R3HDM2: variants seen among roughly 807,000 people sequenced by gnomAD.
R3HDM2 encodes R3H domain-containing protein 2.
A neutral mutation model predicts 124.5 loss-of-function variants in R3HDM2; 38 were observed. The observed-to-expected ratio is 0.31, with a 90% CI of 0.24 to 0.40. The LOEUF (loss-of-function observed/expected upper bound fraction) is 0.40, where lower values mean the gene tolerates loss of function less well. Ranked by LOEUF, R3HDM2 falls within the 10% of genes least tolerant of loss-of-function variation. R3HDM2 has a pLI of 1.00. For synonymous variants in R3HDM2, 391 were observed against 448.0 expected (o/e 0.87, Z 1.61); for missense variants, 869 against 1,236.9 (o/e 0.70, Z 4.46).
At chr12:57,314,685 T>C (rs1255758285) in intron 2 of R3HDM2, among the ~76,000 whole-genome samples, 1 of 152,146 alleles carries the variant, frequency 6.6e-6, no homozygotes, top group East Asian at 1.9e-4. Flanking sequence ...CTCCCTATTA[T>C]AAATTATGAA....
intron 1 of R3HDM2, among the ~76,000 whole-genome samples, chr12:57,423,676 G>A (rs1194856149): frequency 6.6e-6 from 1 of 150,892 alleles, no homozygotes; most frequent in African/African-American, 2.4e-5. Context: ...GCCAGACGTG[G>A]TGGCGGGCAC....
chr12:57,302,492 C>T (rs1303333377), intron 4 of R3HDM2, among the ~76,000 whole-genome samples: 1 of 150,448 alleles, frequency 6.6e-6, no homozygotes, highest in East Asian at 2.0e-4. Flanking sequence ...ATGGTGAAAC[C>T]TCATCTCTCC....
At chr12:57,349,565 T>G (rs1404525988) in intron 2 of R3HDM2, among the ~76,000 whole-genome samples, 1 of 150,202 alleles carries the variant, frequency 6.7e-6, no homozygotes, top group Non-Finnish European at 1.5e-5. Flanking sequence ...GTTTTTTGGT[T>G]GTTTTTTTTT....
chr12:57,268,794 C>A, intron 17 of R3HDM2, 128 bp downstream of exon 17: 1 of 1,254,820 alleles, frequency 8.0e-7, no homozygotes, highest in Non-Finnish European at 1.1e-6. Flanking sequence ...GGAAAAAAAC[C>A]TAAAAATTCT....
chr12:57,254,955 TCCCACTGTTGTCC>T lies in R3HDM2; in HGVS notation c.2778_2790del (p.Asp927LeufsTer37). ...TCCGAGTGGCGGCCATTCTCAGCAG[TCCCACTGTTGTCC>T]CCCCCACCCCCTCCAGGCAGCCCCT... On this transcript the variant is annotated frameshift_variant, in exon 24 of 24. Transcript: ENST00000402412. LOFTEE classifies it high-confidence loss of function. 1 of 1,613,984 alleles carries T rather than the reference TCCCACTGTTGTCC, an allele frequency of 6.2e-7. No individual in the cohort carries two copies. The highest frequency in any genetic ancestry group is 8.5e-7 in the Non-Finnish European group (1 of 1,179,954).
intron 2 of R3HDM2, among the ~76,000 whole-genome samples, chr12:57,387,849 G>A: frequency 6.6e-6 from 1 of 152,158 alleles, no homozygotes; most frequent in East Asian, 1.9e-4. Context: ...ACTGAGAGTA[G>A]TTGAAACCTT....
chr12:57,363,412 G>C (rs1185383362), intron 2 of R3HDM2, among the ~76,000 whole-genome samples: 1 of 152,032 alleles, frequency 6.6e-6, no homozygotes, highest in East Asian at 1.9e-4. Flanking sequence ...ATACTCATTA[G>C]AAACAACTTC....
intron 2 of R3HDM2, among the ~76,000 whole-genome samples, chr12:57,390,959 C>A (rs1017925773): frequency 6.6e-6 from 1 of 151,224 alleles, no homozygotes; most frequent in Non-Finnish European, 1.5e-5. Context: ...TTGCAGTGAG[C>A]CGAGATCATG....
intron 2 of R3HDM2, among the ~76,000 whole-genome samples, chr12:57,384,861 G>A (rs947264242): frequency 2.0e-5 from 3 of 152,146 alleles, no homozygotes; most frequent in African/African-American, 7.2e-5. Flanking sequence ...AAAGTACTCT[G>A]GCCCAGGCCA....
chr12:57,386,573 A>G (rs1237329185), intron 2 of R3HDM2, among the ~76,000 whole-genome samples: 1 of 152,186 alleles, frequency 6.6e-6, no homozygotes, highest in East Asian at 1.9e-4. Context: ...GCTCCTGCGC[A>G]GCCTGAGCCT....
At chr12:57,390,189 G>T (rs1566458050) in intron 2 of R3HDM2, among the ~76,000 whole-genome samples, 1 of 150,288 alleles carries the variant, frequency 6.7e-6, no homozygotes, top group African/African-American at 2.4e-5. Flanking sequence ...AAAAAAGAAA[G>T]AAAGAAAAAA....
At position 57,296,837 on chromosome 12, in the gene R3HDM2, G is replaced by T. The variant is rs1035347292; in HGVS notation, c.561-286C>A. The T allele has an allele frequency of 1.1e-5, 3 of 280,678 alleles. No homozygotes were observed. Among genetic ancestry groups the T allele is most frequent in the African/African-American group, 6.5e-5 (3 of 45,812 alleles). 17.4% of individuals were successfully genotyped at this position (280,678 alleles called of 1,614,324 possible). On this transcript the variant is annotated intron_variant, in intron 8 of 23. Transcript: ENST00000402412. The surrounding 1 kb of genome is among the most constrained non-coding windows in gnomAD (Gnocchi z 4.5). ...CCAGCACTTTGGGAGGCCAAGGCAG[G>T]CGGATCAATTGAGTTCAGGAGTTCA...
At chr12:57,311,361 G>T (rs2053864059) in intron 2 of R3HDM2, among the ~76,000 whole-genome samples, 1 of 149,754 alleles carries the variant, frequency 6.7e-6, no homozygotes. Context: ...GAGTAGCTGG[G>T]ACTACAGGTG....
At chr12:57,308,235 T>C (rs2053161125) in intron 3 of R3HDM2, among the ~76,000 whole-genome samples, 1 of 151,480 alleles carries the variant, frequency 6.6e-6, no homozygotes, top group South Asian at 2.1e-4. Context: ...TTTGTATTTT[T>C]AGTGGAGCCA....
At chr12:57,283,301 T>A (rs764871188) in intron 13 of R3HDM2, among the ~76,000 whole-genome samples, 21 of 152,100 alleles carry the variant, frequency 1.4e-4, no homozygotes, top group Non-Finnish European at 2.6e-4. Flanking sequence ...ATCAATTCTT[T>A]TTTTTTTTCC....
intron 3 of R3HDM2, among the ~76,000 whole-genome samples, chr12:57,304,914 G>C (rs553123091): frequency 6.6e-6 from 1 of 152,292 alleles, no homozygotes; most frequent in Non-Finnish European, 1.5e-5. Flanking sequence ...GCTGGGGGCG[G>C]TGGCTCATGC....
At chr12:57,266,615 G>T in intron 19 of R3HDM2, 116 bp downstream of exon 19, 1 of 789,238 alleles carries the variant, frequency 1.3e-6, no homozygotes. Context: ...TGGAGTCACA[G>T]TGGGGACAGA....
intron 1 of R3HDM2, among the ~76,000 whole-genome samples, chr12:57,396,378 T>C (rs529334367): frequency 5.3e-5 from 8 of 151,408 alleles, no homozygotes; most frequent in Non-Finnish European, 1.2e-4. Context: ...GAGACGGAGG[T>C]TGCAGTGAGC....
At chr12:57,261,020 C>A (rs987099654) in intron 19 of R3HDM2, among the ~76,000 whole-genome samples, 2 of 152,152 alleles carry the variant, frequency 1.3e-5, no homozygotes, top group African/African-American at 4.8e-5. Context: ...CTCAGATATC[C>A]CCATCTCCTG....
Sources: gnomAD v4.1 joint callset for allele counts (sites outside exome capture counted in the v4.1 genomes callset) on GRCh38, gnomAD v4.1.1 for gene constraint, Gnocchi (gnomAD v3.1) non-coding constraint, MANE v1.5 for transcripts, NCBI Gene and HGNC (gene_info 2026-07-23, HGNC 2026-07-21) for gene names.